The following CAMK1D variants were observed in gnomAD, a reference collection of about 807,000 sequenced individuals.
CAMK1D encodes calcium/calmodulin dependent protein kinase ID.
Under a neutral mutation model 47.7 loss-of-function variants are expected in CAMK1D, and 9 were observed. The ratio of observed to expected loss-of-function variants is 0.19; its 90% CI spans 0.11 to 0.33. The LOEUF is 0.33. CAMK1D is among the 10% of genes least tolerant of loss of function. The pLI, the probability that CAMK1D is intolerant of heterozygous loss-of-function variation, is 1.00. For missense variants in CAMK1D, 291 were observed against 488.7 expected (o/e 0.60, Z 3.81); for synonymous variants, 184 against 184.9 (o/e 0.99, Z 0.04).
intron 1 of CAMK1D, among the ~76,000 whole-genome samples, chr10:12,461,687 CAAAAAAA>C (rs57291391): frequency 0.019 from 1,755 of 90,400 alleles, 33 homozygotes; most frequent in African/African-American, 0.068. Flanking sequence ...GGCTTCATCT[CAAAAAAA>C]AAAAAAAAAA....
intron 6 of CAMK1D, among the ~76,000 whole-genome samples, chr10:12,802,602 C>T (rs1838533170): frequency 1.3e-5 from 2 of 152,128 alleles, no homozygotes; most frequent in African/African-American, 2.4e-5. Flanking sequence ...CTCACTGTAA[C>T]CTCCGCCTCC....
intron 1 of CAMK1D, among the ~76,000 whole-genome samples, chr10:12,459,262 C>T (rs186268203): frequency 2.8e-4 from 42 of 152,210 alleles, no homozygotes; most frequent in Admixed American, 2.4e-3. Context: ...TGACTGTGCC[C>T]CAGCCCACTA....
At chr10:12,608,082 C>G (rs944111249) in intron 2 of CAMK1D, among the ~76,000 whole-genome samples, 1 of 152,128 alleles carries the variant, frequency 6.6e-6, no homozygotes, top group Non-Finnish European at 1.5e-5. Context: ...AAAACAGATT[C>G]ATCAAAGAAA....
intron 2 of CAMK1D, among the ~76,000 whole-genome samples, chr10:12,596,336 A>T (rs1013949629): frequency 1.3e-5 from 2 of 152,248 alleles, no homozygotes; most frequent in African/African-American, 4.8e-5. Flanking sequence ...GAAGCAAAGT[A>T]AAGCATTTAT....
At chr10:12,683,381 T>A (rs1832524716) in intron 3 of CAMK1D, among the ~76,000 whole-genome samples, 1 of 152,122 alleles carries the variant, frequency 6.6e-6, no homozygotes, top group African/African-American at 2.4e-5. Context: ...CCACTGCACC[T>A]GGCCATAAAA....
At position 12,781,044 on chromosome 10, in the gene CAMK1D, C is replaced by T. The variant is rs3802565; in HGVS notation, c.566-10114C>T. Among the ~76,000 whole-genome samples the T allele has an allele frequency of 4.6e-5, 7 of 152,354 alleles. No homozygotes were observed. In the East Asian group the frequency reaches 1.4e-3, roughly 29 times the overall value. On this transcript the variant is annotated intron_variant, in intron 5 of 10. Transcript: ENST00000619168. ...TTGAGGAGCCCCATCCCACACATGG[C>T]AGTCCCACAGAGTCGCTCTGAACAC...
At chr10:12,631,448 G>T (rs184344675) in intron 2 of CAMK1D, among the ~76,000 whole-genome samples, 5 of 152,184 alleles carry the variant, frequency 3.3e-5, no homozygotes, top group African/African-American at 1.2e-4. Flanking sequence ...TCTTTGTTCT[G>T]TTCTCCTTAC....
intron 1 of CAMK1D, among the ~76,000 whole-genome samples, chr10:12,547,682 T>TCTCTCACACACACACACACACACACACA (rs10643491): frequency 1.9e-4 from 22 of 116,502 alleles, no homozygotes; most frequent in African/African-American, 8.2e-4. Context: ...TTTCTCTCTC[T>TCTCTCACACACACACACACACACACACA]CACACACACA....
chr10:12,584,012 G>A (rs1026100558), intron 2 of CAMK1D, among the ~76,000 whole-genome samples: 3 of 152,128 alleles, frequency 2.0e-5, no homozygotes, highest in African/African-American at 7.2e-5. Context: ...GTTTTTATGT[G>A]TCTTCAGTGT....
intron 5 of CAMK1D, among the ~76,000 whole-genome samples, chr10:12,776,279 G>C (rs1303707140): frequency 6.6e-6 from 1 of 152,242 alleles, no homozygotes; most frequent in Non-Finnish European, 1.5e-5. Flanking sequence ...TTTTGGGCCT[G>C]ATAACCCTGG....
chr10:12,477,187 G>T (rs189701938), intron 1 of CAMK1D, among the ~76,000 whole-genome samples: 1 of 152,080 alleles, frequency 6.6e-6, no homozygotes, highest in Non-Finnish European at 1.5e-5. Context: ...AGGCCGAGGC[G>T]GGCAGATCAC....
intron 3 of CAMK1D, among the ~76,000 whole-genome samples, chr10:12,743,346 C>CA (rs199673328): frequency 0.37 from 33,623 of 91,986 alleles, 4,875 homozygotes; most frequent in Non-Finnish European, 0.44. Context: ...GACCCTGTCT[C>CA]AAAAAAAAAA....
At chr10:12,663,665 G>A (rs1840344029) in intron 2 of CAMK1D, among the ~76,000 whole-genome samples, 1 of 152,062 alleles carries the variant, frequency 6.6e-6, no homozygotes, top group Admixed American at 6.6e-5. Context: ...CCTGATACAT[G>A]GCAGGCACCC....
chr10:12,447,620 T>C (rs1225513278), intron 1 of CAMK1D, among the ~76,000 whole-genome samples: 1 of 152,196 alleles, frequency 6.6e-6, no homozygotes, highest in African/African-American at 2.4e-5. Flanking sequence ...GAGGATTGCC[T>C]GAGCCTGAGA....
intron 1 of CAMK1D, among the ~76,000 whole-genome samples, chr10:12,550,943 G>T (rs372886318): frequency 7.2e-5 from 11 of 152,222 alleles, no homozygotes; most frequent in Admixed American, 5.2e-4. Context: ...TTTAAAACAT[G>T]CATTTAGCGT....
intron 1 of CAMK1D, among the ~76,000 whole-genome samples, chr10:12,541,472 T>C (rs1242279048): frequency 6.6e-6 from 1 of 152,168 alleles, no homozygotes; most frequent in Non-Finnish European, 1.5e-5. Flanking sequence ...CAAGCAGTTC[T>C]CCTGCCTCAG....
intron 6 of CAMK1D, among the ~76,000 whole-genome samples, chr10:12,803,164 C>G (rs1166535657): frequency 6.6e-6 from 1 of 152,236 alleles, no homozygotes; most frequent in African/African-American, 2.4e-5. Context: ...AATTACATAG[C>G]CCAGTGCCTG....
intron 1 of CAMK1D, among the ~76,000 whole-genome samples, chr10:12,359,668 T>A (rs1837605659): frequency 6.6e-6 from 1 of 152,308 alleles, no homozygotes; most frequent in Non-Finnish European, 1.5e-5. Context: ...TGATTCAACA[T>A]GCTTTTCTTT....
chr10:12,419,655 C>G (rs916825462), intron 1 of CAMK1D, among the ~76,000 whole-genome samples: 38 of 151,918 alleles, frequency 2.5e-4, no homozygotes, highest in African/African-American at 9.2e-4. Flanking sequence ...CACACACACA[C>G]ACACACACAC....
Sources: allele counts gnomAD v4.1 joint callset (sites outside exome capture counted in the v4.1 genomes callset), GRCh38; gene constraint gnomAD v4.1.1; transcripts MANE v1.5; gene names NCBI Gene and HGNC (gene_info 2026-07-23, HGNC 2026-07-21).